The following ISL1 variants were observed in gnomAD, a reference collection of about 807,000 sequenced individuals.
The protein encoded by ISL1 is insulin gene enhancer protein ISL-1.
A neutral mutation model predicts 35.3 loss-of-function variants in ISL1; 4 were observed. That is an observed-to-expected ratio of 0.11 (90% CI 0.06 to 0.26). ISL1 has a LOEUF of 0.26. ISL1 is among the 10% of genes least tolerant of loss of function. The probability of loss-of-function intolerance (pLI) is 1.00; values close to 1 mark genes in which losing one functional copy is unlikely to be tolerated. For synonymous variants in ISL1, 186 were observed against 172.3 expected (o/e 1.08, Z -0.62); for missense variants, 340 against 472.8 (o/e 0.72, Z 2.60).
chr5:51,393,258 G>T (rs1747559317), intron 5 of ISL1, among the ~76,000 whole-genome samples: 1 of 152,200 alleles, frequency 6.6e-6, no homozygotes, highest in Admixed American at 6.5e-5. Context: ...CATAATGTTG[G>T]GAATTCAGTT....
Position 51,391,378 on chromosome 5 carries a change from T to G in ISL1, c.870T>G (p.Pro290=). 6.2e-7 allele frequency: 1 copy of G among 1,614,238 alleles called. No individual in the cohort carries two copies. The highest frequency in any genetic ancestry group is 8.5e-7 in the Non-Finnish European group (1 of 1,180,052). Residue 290 remains proline, a synonymous_variant, in exon 5 of 6, where the codon CCT becomes CCG. Transcript: ENST00000230658. ...NPVEVQSYQP[P]WKVLSDFALQ... is the part of the protein sequence containing the mutation. ...TGGAAGTACAAAGTTACCAGCCACCTTGGAAAGTACTGAGCGACTTCGCCT... is the reference window on the plus strand; with the variant it reads ...TGGAAGTACAAAGTTACCAGCCACCGTGGAAAGTACTGAGCGACTTCGCCT...
chr5:51,387,843 G>T lies in ISL1; in HGVS notation c.478+94G>T, dbSNP rs1747387922. 5 of 1,502,604 alleles carry T rather than the reference G, an allele frequency of 3.3e-6. No individual in the cohort carries two copies. The Admixed American group carries it at 7.4e-5, about 22-fold the overall frequency. The allele number at this position is 1,502,604 out of a possible 1,614,324, so 93.1% of individuals were successfully genotyped here. A position where few individuals can be genotyped will look rare whatever the true frequency, so the allele number is the denominator to read the frequency against. The stretch of plus-strand genomic sequence containing the variant: ...AACTATGGTAGCTACAGGGGTGGTC[G>T]TAGTGTTTGCCTGCAGTTAAATGAA... On this transcript the variant is annotated intron_variant, in intron 3 of 5. Coordinates refer to ENST00000230658, the MANE Select transcript of ISL1 (RefSeq NM_002202.3). The surrounding 1 kb of genome is among the most constrained non-coding windows in gnomAD (Gnocchi z 4.3).
In ISL1 at chr5:51,389,671, A is replaced by G. The variant is rs2303751; in HGVS notation, c.504A>G (p.Pro168=). The change falls in exon 4 of 6, where the codon CCA becomes CCG. Residue 168 remains proline (P), a synonymous_variant. Coordinates refer to ENST00000230658, the MANE Select transcript of ISL1 (RefSeq NM_002202.3). The surrounding 1 kb of genome is among the most constrained non-coding windows in gnomAD (Gnocchi z 5.0). ...CGGAGCCCATCTCCGCCAGGCAGCC[A>G]GCCCTGCGGCCCCACGTCCACAAGC... ...MAAEPISARQ[P]ALRPHVHKQP... is the part of the protein sequence containing the mutation. The G allele has an allele frequency of 0.38, 613,423 of 1,610,652 alleles. 119,826 individuals carry two copies. The highest frequency in any genetic ancestry group is 0.54 in the African/African-American group (40,409 of 74,880).
rs750721282 is a variant in ISL1 at position 51,393,532 on chromosome 5, T to G, written c.972T>G (p.Thr324=). The part of the protein sequence containing the change: ...FSEGGPGSNS[T]GSEVASMSSQ... ...AAGGAGGACCGGGCTCTAATTCCAC[T>G]GGCAGTGAAGTAGCATCAATGTCCT... Residue 324 remains threonine, a synonymous_variant, in exon 6 of 6, where the codon ACT becomes ACG. Transcript: ENST00000230658. 6.2e-7 allele frequency: 1 copy of G among 1,614,012 alleles called. No individual in the cohort carries two copies. The highest frequency in any genetic ancestry group is 1.1e-5 in the South Asian group (1 of 91,076).
intron 4 of ISL1, among the ~76,000 whole-genome samples, chr5:51,390,636 C>CTTTTTTTTTTTTTTTTTTTT (rs1216503548): frequency 1.3e-5 from 1 of 74,328 alleles, no homozygotes. Context: ...TCTTTTCTTT[C>CTTTTTTTTTTTTTTTTTTTT]TTTTTCTTTT....
At position 51,393,923 on chromosome 5, in the gene ISL1, A is replaced by G; in HGVS notation, c.*313A>G. 2.7e-6 allele frequency: 1 copy of G among 373,568 alleles called. No individual in the cohort carries two copies. Among genetic ancestry groups the G allele is most frequent in the South Asian group, 2.7e-5 (1 of 37,114 alleles). 23.1% of individuals were successfully genotyped at this position (373,568 alleles called of 1,614,324 possible). Reference sequence around the variant, plus strand: ...AGAGGATTTATATTCAAGGATCTCAAAGAAAGCATTTTCATTTCACTGCAC... The same window carrying G: ...AGAGGATTTATATTCAAGGATCTCAGAGAAAGCATTTTCATTTCACTGCAC... On this transcript the variant is annotated 3_prime_UTR_variant, in exon 6 of 6. Transcript: ENST00000230658.
intron 4 of ISL1, 59 bp from the exon 5 acceptor site, chr5:51,391,215 A>G (rs1747505483): frequency 1.3e-6 from 2 of 1,580,118 alleles, no homozygotes; most frequent in African/African-American, 1.3e-5. Context: ...TGTGCAGACA[A>G]CGGAGGGAGG....
rs1747387568 is a variant in ISL1 at position 51,387,823 on chromosome 5, T to C, written c.478+74T>C. 3 of 1,575,474 alleles carry C rather than the reference T, an allele frequency of 1.9e-6. No individual in the cohort carries two copies. The highest frequency in any genetic ancestry group is 2.3e-5 in the East Asian group (1 of 43,692). Reference sequence around the variant, plus strand: ...TGTGTGCCAGCGGCCACAACAACTATGGTAGCTACAGGGGTGGTCGTAGTG... The same window carrying C: ...TGTGTGCCAGCGGCCACAACAACTACGGTAGCTACAGGGGTGGTCGTAGTG... On this transcript the variant is annotated intron_variant, in intron 3 of 5. Transcript: ENST00000230658. The surrounding 1 kb of genome is among the most constrained non-coding windows in gnomAD (Gnocchi z 4.3).
At chr5:51,388,576 G>A (rs1561207338) in intron 3 of ISL1, among the ~76,000 whole-genome samples, 1 of 152,154 alleles carries the variant, frequency 6.6e-6, no homozygotes, top group Admixed American at 6.5e-5. Context: ...AGGTTGGCCG[G>A]GACCAAAGCA....
chr5:51,389,554 C>T lies in ISL1; in HGVS notation c.479-92C>T, dbSNP rs1042116748. On this transcript the variant is annotated intron_variant, in intron 3 of 5. Transcript: ENST00000230658. The surrounding 1 kb of genome is among the most constrained non-coding windows in gnomAD (Gnocchi z 5.0). Reference sequence around the variant, plus strand: ...GCGAGCAAGTAAGCGGGCGGGCGGGCGGGCAAGCGAGCGAGCGAGCGAGCG... The same window carrying T: ...GCGAGCAAGTAAGCGGGCGGGCGGGTGGGCAAGCGAGCGAGCGAGCGAGCG... 1.3e-5 allele frequency: 14 copies of T among 1,084,906 alleles called. No homozygotes were observed. In the East Asian group the frequency reaches 3.8e-4, roughly 29 times the overall value. The allele number at this position is 1,084,906 out of a possible 1,614,324, so 67.2% of individuals were successfully genotyped here. A position where few individuals can be genotyped will look rare whatever the true frequency, so the allele number is the denominator to read the frequency against.
At chr5:51,390,070 T>C in intron 4 of ISL1, 138 bp downstream of exon 4, 1 of 1,045,708 alleles carries the variant, frequency 9.6e-7, no homozygotes, top group Non-Finnish European at 1.4e-6. Context: ...CCCCTCATCC[T>C]TACCCCCCTA....
intron 1 of ISL1, among the ~76,000 whole-genome samples, chr5:51,384,285 G>A (rs1366604621): frequency 6.6e-6 from 1 of 151,482 alleles, no homozygotes. Flanking sequence ...TTGATTGCGT[G>A]CTAGGCGTAC....
At chr5:51,391,128 C>T (rs563583405) in intron 4 of ISL1, 146 bp from the exon 5 acceptor site, 214 of 733,388 alleles carry the variant, frequency 2.9e-4, no homozygotes, top group Admixed American at 2.1e-3. Flanking sequence ...AACTAATATC[C>T]GTAGGTACGG....
chr5:51,386,492 C>T (rs1387807397), intron 2 of ISL1: 1 of 443,454 alleles, frequency 2.3e-6, no homozygotes, highest in Non-Finnish European at 4.5e-6. Flanking sequence ...GATGCCTCCT[C>T]CTGTTATGTG....
intron 4 of ISL1, 111 bp downstream of exon 4, chr5:51,390,043 G>A: frequency 7.7e-7 from 1 of 1,304,398 alleles, no homozygotes. Flanking sequence ...TCCTGGGCAG[G>A]AGTTTGGCCG....
chr5:51,388,294 T>C (rs1419160378), intron 3 of ISL1, among the ~76,000 whole-genome samples: 1 of 152,234 alleles, frequency 6.6e-6, no homozygotes, highest in African/African-American at 2.4e-5. Context: ...ACTGAAAAGA[T>C]ACAGTTTTAA....
rs561737448 is a variant in ISL1 at position 51,393,902 on chromosome 5, G to C, written c.*292G>C. On this transcript the variant is annotated 3_prime_UTR_variant, in exon 6 of 6. Transcript: ENST00000230658. ...AAAAAGACGTTTTTAAAACGTAGAG[G>C]ATTTATATTCAAGGATCTCAAAGAA... is the stretch of plus-strand genomic sequence containing the variant. 2.4e-6 allele frequency: 1 copy of C among 413,352 alleles called. No individual in the cohort carries two copies. The highest frequency in any genetic ancestry group is 4.4e-6 in the Non-Finnish European group (1 of 225,820). 25.6% of individuals were successfully genotyped at this position (413,352 alleles called of 1,614,324 possible). A position where few individuals can be genotyped will look rare whatever the true frequency, so the allele number is the denominator to read the frequency against.
rs778342173 is a variant in ISL1, at chr5:51,387,774, G to A, written c.478+25G>A. ...GGTACTCCTCTGCCCGGCTCGGGTAGGCAGGCGCCAGGTTAAGCCAGCCTG... is the reference window on the plus strand; with the variant it reads ...GGTACTCCTCTGCCCGGCTCGGGTAAGCAGGCGCCAGGTTAAGCCAGCCTG... On this transcript the variant is annotated intron_variant, in intron 3 of 5. Coordinates refer to ENST00000230658, the MANE Select transcript of ISL1 (RefSeq NM_002202.3). This position sits in a 1 kb window ranked among gnomAD's most constrained non-coding sequence, Gnocchi z 4.3. The A allele has an allele frequency of 1.9e-6, 3 of 1,612,664 alleles. No individual in the cohort carries two copies. Among genetic ancestry groups the A allele is most frequent in the Admixed American group, 1.7e-5 (1 of 59,964 alleles).
chr5:51,384,403 T>TAA (rs61652519), intron 1 of ISL1, 138 bp from the exon 2 acceptor site: 709 of 583,284 alleles, frequency 1.2e-3, no homozygotes, highest in Non-Finnish European at 1.4e-3. Context: ...TGCAATGCTC[T>TAA]AAAAAAAAAA....
Sources: gnomAD v4.1 joint callset for allele counts (sites outside exome capture counted in the v4.1 genomes callset) on GRCh38, gnomAD v4.1.1 for gene constraint, Gnocchi (gnomAD v3.1) non-coding constraint, MANE v1.5 for transcripts, NCBI Gene and HGNC (gene_info 2026-07-23, HGNC 2026-07-21) for gene names.